TLL2: variants seen among roughly 807,000 people sequenced by gnomAD.
TLL2 encodes tolloid like 2.
In TLL2, 106 loss-of-function variants were observed where a neutral mutation model predicts 123.0. That is an observed-to-expected ratio of 0.86 (90% confidence interval 0.74 to 1.01). TLL2 has a LOEUF of 1.01. Ranked by LOEUF, TLL2 falls within the 50% of genes least tolerant of loss-of-function variation. TLL2 has a pLI of 0.00. For missense variants in TLL2, 1,332 were observed against 1,336.7 expected (o/e 1.00, Z 0.06); for synonymous variants, 494 against 516.8 (o/e 0.96, Z 0.60).
At chr10:96,438,504 T>C (rs1406002795) in intron 3 of TLL2, among the ~76,000 whole-genome samples, 2 of 152,248 alleles carry the variant, frequency 1.3e-5, no homozygotes, top group Non-Finnish European at 2.9e-5. Context: ...TGAAATTTTG[T>C]TGAACTCATT....
chr10:96,379,027 A>G lies in TLL2; in HGVS notation c.2260T>C (p.Tyr754His). ...TAGCCGTTTCTGCACCTGCACAGGT[A>G]GCTCCCGAAGGTGTTGACGCACTCA... is the stretch of plus-strand genomic sequence containing the variant. ...QHECVNTFGS[Y>H]LCRCRNGYWL... The change falls in exon 17 of 21, where the codon TAC (tyrosine) becomes CAC (histidine). Residue 754 changes from tyrosine to histidine, a missense_variant. Transcript: ENST00000357947. 6.2e-7 allele frequency: 1 copy of G among 1,614,184 alleles called. No individual in the cohort carries two copies. Among genetic ancestry groups the G allele is most frequent in the Non-Finnish European group, 8.5e-7 (1 of 1,180,024 alleles).
chr10:96,420,854 A>T, intron 7 of TLL2, 102 bp downstream of exon 7: 1 of 949,590 alleles, frequency 1.1e-6, no homozygotes, highest in Non-Finnish European at 1.7e-6. Flanking sequence ...CAGCCGTGCT[A>T]GAAGCATGCA....
intron 1 of TLL2, among the ~76,000 whole-genome samples, chr10:96,482,450 T>G (rs1681161256): frequency 6.6e-6 from 1 of 152,198 alleles, no homozygotes; most frequent in African/African-American, 2.4e-5. Flanking sequence ...GTTGAATGGA[T>G]GAACACAACG....
intron 2 of TLL2, among the ~76,000 whole-genome samples, chr10:96,467,989 G>A (rs2134097488): frequency 6.6e-6 from 1 of 152,252 alleles, no homozygotes; most frequent in South Asian, 2.1e-4. Context: ...CATGACAACA[G>A]CATTATAAAT....
rs542543075 is a variant in TLL2 at position 96,390,513 on chromosome 10, C to G, written c.1727-3435G>C. Among the ~76,000 whole-genome samples, 30 of 152,378 alleles carry G rather than the reference C, an allele frequency of 2.0e-4. No individual in the cohort carries two copies. The East Asian group carries it at 4.2e-3, about 22-fold the overall frequency. On this transcript the variant is annotated intron_variant, in intron 13 of 20. Coordinates refer to ENST00000357947, the MANE Select transcript of TLL2 (RefSeq NM_012465.4). ...GAAGGCTGCCATCTGGCACCAGAAT[C>G]AGGTACAGAGGCCAACTGGCACCCT...
intron 1 of TLL2, among the ~76,000 whole-genome samples, chr10:96,496,506 C>T (rs935542523): frequency 2.0e-5 from 3 of 152,254 alleles, no homozygotes; most frequent in Non-Finnish European, 2.9e-5. Context: ...TGCCCTCTGC[C>T]TTGGCTGGCA....
At chr10:96,508,580 C>T (rs1355039562) in intron 1 of TLL2, among the ~76,000 whole-genome samples, 2 of 152,142 alleles carry the variant, frequency 1.3e-5, no homozygotes, top group African/African-American at 4.8e-5. Flanking sequence ...AGCTGGCTAT[C>T]AGGCAGTTCC....
At chr10:96,472,405 G>A (rs1564914055) in intron 2 of TLL2, among the ~76,000 whole-genome samples, 1 of 152,152 alleles carries the variant, frequency 6.6e-6, no homozygotes, top group Non-Finnish European at 1.5e-5. Context: ...ACAAAGCTTG[G>A]GGAATGTCTG....
chr10:96,370,528 G>T (rs1201497314), intron 19 of TLL2, among the ~76,000 whole-genome samples: 1 of 152,218 alleles, frequency 6.6e-6, no homozygotes, highest in East Asian at 1.9e-4. Context: ...ACAAGCCAAG[G>T]TCCCCTGTTC....
chr10:96,503,591 T>C (rs759921645), intron 1 of TLL2, among the ~76,000 whole-genome samples: 2 of 152,174 alleles, frequency 1.3e-5, no homozygotes, highest in Non-Finnish European at 2.9e-5. Context: ...GCCATCGAAG[T>C]CTTCTCCCTG....
At chr10:96,400,357 CAAAAAA>C (rs55975748) in intron 10 of TLL2, among the ~76,000 whole-genome samples, 3 of 109,892 alleles carry the variant, frequency 2.7e-5, no homozygotes, top group African/African-American at 7.0e-5. Flanking sequence ...CTACTACCAT[CAAAAAA>C]AAAAAAAAAA....
At chr10:96,444,039 A>G (rs1846872775) in intron 3 of TLL2, among the ~76,000 whole-genome samples, 1 of 152,358 alleles carries the variant, frequency 6.6e-6, no homozygotes, top group East Asian at 1.9e-4. Flanking sequence ...ATTCCCACTG[A>G]CAAACATAGG....
intron 1 of TLL2, among the ~76,000 whole-genome samples, chr10:96,482,273 GA>G (rs1847319306): frequency 6.8e-6 from 1 of 147,880 alleles, no homozygotes; most frequent in African/African-American, 2.5e-5. Flanking sequence ...AAAAAAAAAC[GA>G]AAAAACCTGA....
chr10:96,460,324 G>A (rs751520284), intron 2 of TLL2, among the ~76,000 whole-genome samples: 12 of 152,130 alleles, frequency 7.9e-5, no homozygotes, highest in Non-Finnish European at 2.9e-5. Flanking sequence ...GAATGTTTTT[G>A]TGCCCCCTCA....
chr10:96,503,198 G>T (rs1183262098), intron 1 of TLL2, among the ~76,000 whole-genome samples: 1 of 152,084 alleles, frequency 6.6e-6, no homozygotes, highest in African/African-American at 2.4e-5. Context: ...ACTCTTAGCA[G>T]CCCTGAGAGG....
intron 16 of TLL2, among the ~76,000 whole-genome samples, chr10:96,382,318 C>A (rs1297774829): frequency 6.6e-6 from 1 of 152,354 alleles, no homozygotes; most frequent in East Asian, 1.9e-4. Context: ...CATGAGCCAC[C>A]ATGCCCGGCC....
intron 6 of TLL2, among the ~76,000 whole-genome samples, chr10:96,422,208 C>CTTT (rs58380591): frequency 1.5e-5 from 2 of 129,192 alleles, no homozygotes; most frequent in Admixed American, 7.8e-5. Flanking sequence ...CAGGAGAACT[C>CTTT]TTTTTTTTTT....
chr10:96,450,650 G>T (rs1303543239), intron 2 of TLL2, among the ~76,000 whole-genome samples: 2 of 152,148 alleles, frequency 1.3e-5, no homozygotes, highest in African/African-American at 4.8e-5. Context: ...CATCGAAATC[G>T]ATGAAAAGCG....
At chr10:96,379,158 A>G (rs532187945) in intron 16 of TLL2, 66 bp from the exon 17 acceptor site, 2 of 1,574,504 alleles carry the variant, frequency 1.3e-6, no homozygotes, top group African/African-American at 2.7e-5. Context: ...AGGGCTCAGA[A>G]TCCCACTTAA....
Sources: allele counts gnomAD v4.1 joint callset (sites outside exome capture counted in the v4.1 genomes callset), GRCh38; gene constraint gnomAD v4.1.1; transcripts MANE v1.5; gene names NCBI Gene and HGNC (gene_info 2026-07-23, HGNC 2026-07-21).